Variants in PROC observed in about 807,000 individuals in gnomAD.
PROC encodes protein C, inactivator of coagulation factors Va and VIIIa, also known as vitamin K-dependent protein C.
Under a neutral mutation model 36.3 loss-of-function variants are expected in PROC, and 22 were observed. The ratio of observed to expected loss-of-function variants is 0.61; its 90% CI spans 0.43 to 0.86. PROC has a LOEUF of 0.86. Ranked by LOEUF, PROC falls within the 40% of genes least tolerant of loss-of-function variation. The probability of loss-of-function intolerance (pLI) is 0.00; values close to 1 mark genes in which losing one functional copy is unlikely to be tolerated. For missense variants in PROC, 526 were observed against 629.7 expected, an observed-to-expected ratio of 0.84 and a Z score of 1.76; for synonymous variants, 218 against 244.5, an observed-to-expected ratio of 0.89 and a Z score of 1.01.
rs375179157 is a variant in PROC, at chr2:127,428,402, A to T, written c.842A>T (p.Asp281Val). The T allele has an allele frequency of 4.3e-6, 7 of 1,613,996 alleles. No individual in the cohort carries two copies. In the East Asian group the frequency reaches 1.3e-4, roughly 31 times the overall value. Residue 281 changes from aspartate to valine, a missense_variant, in exon 9 of 9, where the codon GAC becomes GTC. By Grantham distance (152) the Asp-to-Val change is radical (BLOSUM62 -3). Coordinates refer to ENST00000234071, the MANE Select transcript of PROC (RefSeq NM_000312.4). ...TGGGAGAAGTGGGAGCTGGACCTGG[A>T]CATCAAGGAGGTCTTCGTCCACCCC... ...RRWEKWELDL[D>V]IKEVFVHPNY...
rs1242122086 is a variant in PROC at position 127,426,560 on chromosome 2, C to T, written c.678+333C>T. 1 of 404,354 alleles carries T rather than the reference C, an allele frequency of 2.5e-6. No homozygotes were observed. Among genetic ancestry groups the T allele is most frequent in the Non-Finnish European group, 4.7e-6 (1 of 214,054 alleles). 25.0% of individuals were successfully genotyped at this position (404,354 alleles called of 1,614,324 possible). A position where few individuals can be genotyped will look rare whatever the true frequency, so the allele number is the denominator to read the frequency against. Reference sequence around the variant, plus strand: ...GAGAGGGCTAGGAGGGAGGGCCGGGCCTGAGTACCCCTCCAGCCTCCACAT... The same window carrying T: ...GAGAGGGCTAGGAGGGAGGGCCGGGTCTGAGTACCCCTCCAGCCTCCACAT... On this transcript the variant is annotated intron_variant, in intron 7 of 8. Transcript: ENST00000234071. The surrounding 1 kb of genome is among the most constrained non-coding windows in gnomAD (Gnocchi z 7.0).
In PROC at chr2:127,423,067, A is replaced by C; in HGVS notation, c.296A>C (p.His99Pro). The change falls in exon 5 of 9, where the codon CAC (histidine) becomes CCC (proline). Residue 99 changes from histidine to proline, a missense_variant. Transcript: ENST00000234071. ...CAGTGCTTGGTCTTGCCCTTGGAGC[A>C]CCCGTGCGCCAGCCTGTGCTGCGGG... ...GDQCLVLPLE[H>P]PCASLCCGHG... 6.2e-7 allele frequency: 1 copy of C among 1,611,962 alleles called. No individual in the cohort carries two copies. The highest frequency in any genetic ancestry group is 1.1e-5 in the South Asian group (1 of 91,056).
chr2:127,419,120 G>A (rs1687940387), intron 1 of PROC, among the ~76,000 whole-genome samples: 2 of 152,146 alleles, frequency 1.3e-5, no homozygotes, highest in African/African-American at 4.8e-5. Flanking sequence ...CCCTACTCCT[G>A]GAGGATGGGG....
rs568793026 is a variant in PROC, at chr2:127,428,529, C to G, written c.969C>G (p.Ser323Arg). The change falls in exon 9 of 9, where the codon AGC (serine) becomes AGG (arginine). Residue 323 changes from serine to arginine, a missense_variant. Physicochemically the swap from Ser to Arg is moderately radical, Grantham distance 110 (BLOSUM62 -1). Transcript: ENST00000234071. ...TAGTGCCCATCTGCCTCCCGGACAG[C>G]GGCCTTGCAGAGCGCGAGCTCAATC... The part of the protein sequence containing the change: ...QTIVPICLPD[S>R]GLAERELNQA... 6.2e-7 allele frequency: 1 copy of G among 1,613,984 alleles called. No homozygotes were observed. The highest frequency in any genetic ancestry group is 1.7e-5 in the Admixed American group (1 of 60,034).
At chr2:127,421,501 A>G (rs1688088957) in intron 3 of PROC, 52 bp downstream of exon 3, 3 of 1,605,880 alleles carry the variant, frequency 1.9e-6, no homozygotes, top group Admixed American at 1.7e-5. Context: ...GCTGGTAACC[A>G]GCAGGGGCCT....
intron 2 of PROC, among the ~76,000 whole-genome samples, chr2:127,421,069 A>G (rs918784393): frequency 8.5e-5 from 13 of 152,186 alleles, no homozygotes; most frequent in Admixed American, 7.9e-4. Context: ...ATCTCAGAGC[A>G]AGGCTTCGTC....
At chr2:127,419,861 G>A (rs1339608350) in intron 1 of PROC, 61 bp from the exon 2 acceptor site, 2 of 1,612,456 alleles carry the variant, frequency 1.2e-6, no homozygotes, top group Admixed American at 1.7e-5. Flanking sequence ...CTTCCACCTG[G>A]GGGTGCAGGC....
At position 127,418,795 on chromosome 2, in the gene PROC, G is replaced by A. The variant is rs993728913; in HGVS notation, c.-22+303G>A. Among the ~76,000 whole-genome samples the A allele has an allele frequency of 3.3e-5, 5 of 152,302 alleles. No homozygotes were observed. The highest frequency in any genetic ancestry group is 6.5e-5 in the Admixed American group (1 of 15,300). ...CCCCACTTCCACCTTTGGGGGTGTC[G>A]GATTTGAACAAATCTCAGAAGTGGC... On this transcript the variant is annotated intron_variant, in intron 1 of 8. Transcript: ENST00000234071. This position sits in a 1 kb window ranked among gnomAD's most constrained non-coding sequence, Gnocchi z 4.8.
chr2:127,419,768 A>G, intron 1 of PROC, 154 bp from the exon 2 acceptor site: 1 of 1,499,370 alleles, frequency 6.7e-7, no homozygotes, highest in South Asian at 1.3e-5. Context: ...AGGCCTTCTG[A>G]GGCTATGTCT....
intron 1 of PROC, 76 bp from the exon 2 acceptor site, chr2:127,419,846 T>C (rs925907784): frequency 6.2e-7 from 1 of 1,609,102 alleles, no homozygotes; most frequent in African/African-American, 1.3e-5. Flanking sequence ...AGCCCTTTCA[T>C]TCCGCTTCCA....
intron 1 of PROC, 28 bp from the exon 2 acceptor site, chr2:127,419,893 AC>A (rs767560354): frequency 1.2e-6 from 2 of 1,613,618 alleles, no homozygotes; most frequent in South Asian, 2.2e-5. Flanking sequence ...GGGGGTAGGC[AC>A]TGCCCGGAGC....
Position 127,428,686 on chromosome 2 carries a change from G to A in PROC, c.1126G>A (p.Val376Ile). 6.2e-7 allele frequency: 1 copy of A among 1,613,934 alleles called. No individual in the cohort carries two copies. ...GGTCCCGCACAATGAGTGCAGCGAG[G>A]TCATGAGCAACATGGTGTCTGAGAA... is the stretch of plus-strand genomic sequence containing the variant. ...PVVPHNECSEVMSNMVSENML... is the reference protein window; with the variant it reads ...PVVPHNECSEIMSNMVSENML... The change falls in exon 9 of 9, where the codon GTC becomes ATC. Residue 376 changes from valine to isoleucine, a missense_variant. Physicochemically the swap from Val to Ile is conservative, Grantham distance 29 (BLOSUM62 3). Coordinates refer to ENST00000234071, the MANE Select transcript of PROC (RefSeq NM_000312.4).
In PROC at chr2:127,423,110, C is replaced by A. The variant is rs1394299461; in HGVS notation, c.339C>A (p.Asp113Glu). The A allele has an allele frequency of 6.2e-7, 1 of 1,608,662 alleles. No homozygotes were observed. The highest frequency in any genetic ancestry group is 2.2e-5 in the East Asian group (1 of 44,626). ...SLCCGHGTCI[D>E]GIGSFSCDCR... ...GCTGCGGGCACGGCACGTGCATCGA[C>A]GGCATCGGCAGCTTCAGCTGCGACT... The change falls in exon 5 of 9, where the codon GAC (aspartate) becomes GAA (glutamate). Residue 113 changes from aspartate to glutamate, a missense_variant. By Grantham distance (45) the Asp-to-Glu change is conservative. Coordinates refer to ENST00000234071, the MANE Select transcript of PROC (RefSeq NM_000312.4).
At position 127,419,986 on chromosome 2, in the gene PROC, G is replaced by A; in HGVS notation, c.44G>A (p.Gly15Glu). 6.2e-7 allele frequency: 1 copy of A among 1,613,700 alleles called. No homozygotes were observed. The highest frequency in any genetic ancestry group is 8.5e-7 in the Non-Finnish European group (1 of 1,179,998). Residue 15 changes from glycine to glutamate, a missense_variant, in exon 2 of 9, where the codon GGA becomes GAA. By Grantham distance (98) the Gly-to-Glu change is moderately conservative. Transcript: ENST00000234071. ...TSLLLFVATW[G>E]ISGTPAPLDS... ...CTCCTGCTGTTCGTGGCCACCTGGG[G>A]AATTTCCGGCACACCAGCTCCTCTT...
rs1392922558 is a variant in PROC at position 127,428,887 on chromosome 2, G to A, written c.1327G>A (p.Asp443Asn). 3.7e-6 allele frequency: 6 copies of A among 1,613,812 alleles called. No homozygotes were observed. The highest frequency in any genetic ancestry group is 2.7e-5 in the African/African-American group (2 of 74,912). ...TTACACCAAAGTCAGCCGCTACCTC[G>A]ACTGGATCCATGGGCACATCAGAGA... ...GVYTKVSRYL[D>N]WIHGHIRDKE... Residue 443 changes from aspartate to asparagine, a missense_variant, in exon 9 of 9, where the codon GAC becomes AAC. By Grantham distance (23) the Asp-to-Asn change is conservative. Coordinates refer to ENST00000234071, the MANE Select transcript of PROC (RefSeq NM_000312.4).
chr2:127,420,161 TC>T, intron 2 of PROC, 149 bp downstream of exon 2: 3 of 1,020,032 alleles, frequency 2.9e-6, no homozygotes, highest in Non-Finnish European at 4.5e-6. Flanking sequence ...AACTGACAAG[TC>T]CCAGGTAGGC....
intron 3 of PROC, 66 bp downstream of exon 3, chr2:127,421,515 G>A (rs1232109108): frequency 1.9e-6 from 3 of 1,578,542 alleles, no homozygotes. Flanking sequence ...GGGGCCTCGA[G>A]GAGCAGGTGG....
intron 6 of PROC, among the ~76,000 whole-genome samples, chr2:127,424,561 A>G (rs1688360791): frequency 6.6e-6 from 1 of 152,170 alleles, no homozygotes; most frequent in Non-Finnish European, 1.5e-5. Flanking sequence ...ATTTTTGGCC[A>G]GGCTCAGTAG....
rs374476971 is a variant in PROC at position 127,423,111 on chromosome 2, G to T, written c.340G>T (p.Gly114Cys). ...LCCGHGTCID[G>C]IGSFSCDCRS... ...CTGCGGGCACGGCACGTGCATCGAC[G>T]GCATCGGCAGCTTCAGCTGCGACTG... The change falls in exon 5 of 9, where the codon GGC becomes TGC. Residue 114 changes from glycine to cysteine, a missense_variant. Transcript: ENST00000234071. 6.2e-7 allele frequency: 1 copy of T among 1,608,528 alleles called. No homozygotes were observed.
Sources: allele counts gnomAD v4.1 joint callset (sites outside exome capture counted in the v4.1 genomes callset), GRCh38; gene constraint gnomAD v4.1.1; non-coding constraint Gnocchi (gnomAD v3.1); transcripts MANE v1.5; gene names NCBI Gene and HGNC (gene_info 2026-07-23, HGNC 2026-07-21).